Variants in AKT3 observed in about 807,000 individuals in gnomAD.
The protein encoded by AKT3 is AKT serine/threonine kinase 3, also known as RAC-gamma serine/threonine-protein kinase.
Under a neutral mutation model 65.3 loss-of-function variants are expected in AKT3, and 15 were observed. That is an observed-to-expected ratio of 0.23 (90% confidence interval 0.15 to 0.35). The LOEUF is 0.35. Ranked by LOEUF, AKT3 falls within the 10% of genes least tolerant of loss-of-function variation. AKT3 has a pLI of 1.00. For missense variants in AKT3, 243 were observed against 576.5 expected (o/e 0.42, Z 5.92); for synonymous variants, 206 against 183.8 (o/e 1.12, Z -0.98).
intron 3 of AKT3, among the ~76,000 whole-genome samples, chr1:243,667,277 G>A (rs1340788363): frequency 6.6e-6 from 1 of 152,124 alleles, no homozygotes; most frequent in African/African-American, 2.4e-5. Context: ...GATGCTGAGT[G>A]ACTATGTAAG....
At chr1:243,517,867 T>C (rs1670464583) in intron 12 of AKT3, among the ~76,000 whole-genome samples, 1 of 152,260 alleles carries the variant, frequency 6.6e-6, no homozygotes, top group African/African-American at 2.4e-5. Flanking sequence ...TCTGGAACTT[T>C]GTGTTGCACT....
At chr1:243,628,635 C>T (rs1039344066) in intron 6 of AKT3, among the ~76,000 whole-genome samples, 2 of 152,190 alleles carry the variant, frequency 1.3e-5, no homozygotes, top group African/African-American at 4.8e-5. Flanking sequence ...ACTTTGGAAC[C>T]ATCTGTAAAG....
At chr1:243,786,691 G>A (rs893850034) in intron 2 of AKT3, among the ~76,000 whole-genome samples, 2 of 152,040 alleles carry the variant, frequency 1.3e-5, no homozygotes, top group Non-Finnish European at 2.9e-5. Flanking sequence ...CGGGGTGGGG[G>A]GGTGCGCGGT....
At chr1:243,792,208 T>G (rs1691673572) in intron 2 of AKT3, among the ~76,000 whole-genome samples, 1 of 152,200 alleles carries the variant, frequency 6.6e-6, no homozygotes, top group South Asian at 2.1e-4. Context: ...AATTCACTGG[T>G]AATAACAAAG....
intron 2 of AKT3, among the ~76,000 whole-genome samples, chr1:243,700,691 A>G (rs1395305375): frequency 6.6e-6 from 1 of 151,988 alleles, no homozygotes; most frequent in Non-Finnish European, 1.5e-5. Flanking sequence ...TTTAGTAGAG[A>G]CAGGGTTTCA....
At chr1:243,575,862 A>G (rs1181113780) in intron 8 of AKT3, among the ~76,000 whole-genome samples, 2 of 152,150 alleles carry the variant, frequency 1.3e-5, no homozygotes, top group Non-Finnish European at 2.9e-5. Flanking sequence ...AAGCATTAAT[A>G]CTAAAGAGGA....
Position 243,812,543 on chromosome 1 carries a change from G to A in AKT3, c.46+30582C>T, listed in dbSNP as rs180935932. On this transcript the variant is annotated intron_variant, in intron 2 of 13. Transcript: ENST00000673466. Reference sequence around the variant, plus strand: ...AAACAACAGGTGCTGGAGAGGAAGTGGAGAAATAACACTTTTACACTGTTG... The same window carrying A: ...AAACAACAGGTGCTGGAGAGGAAGTAGAGAAATAACACTTTTACACTGTTG... Among the ~76,000 whole-genome samples, 4 of 152,304 alleles carry A rather than the reference G, an allele frequency of 2.6e-5. No individual in the cohort carries two copies. The East Asian group carries it at 5.8e-4, about 22-fold the overall frequency.
intron 12 of AKT3, among the ~76,000 whole-genome samples, chr1:243,526,106 G>A (rs895775570): frequency 2.0e-5 from 3 of 151,882 alleles, no homozygotes; most frequent in African/African-American, 7.3e-5. Context: ...AGCTAGTTAT[G>A]TTGTCTCTGT....
At chr1:243,669,557 T>C (rs1336406700) in intron 3 of AKT3, among the ~76,000 whole-genome samples, 1 of 152,184 alleles carries the variant, frequency 6.6e-6, no homozygotes, top group Non-Finnish European at 1.5e-5. Context: ...TTGAAAGTAC[T>C]TTATATCTAA....
At chr1:243,803,099 G>A (rs1692475644) in intron 2 of AKT3, among the ~76,000 whole-genome samples, 1 of 152,130 alleles carries the variant, frequency 6.6e-6, no homozygotes, top group African/African-American at 2.4e-5. Context: ...AGTGCGCTAT[G>A]ATCGCACTCC....
At chr1:243,746,552 A>G (rs1048225566) in intron 2 of AKT3, among the ~76,000 whole-genome samples, 1 of 152,220 alleles carries the variant, frequency 6.6e-6, no homozygotes, top group Non-Finnish European at 1.5e-5. Flanking sequence ...CTTTATCAAT[A>G]AAGAACACAG....
intron 4 of AKT3, among the ~76,000 whole-genome samples, chr1:243,649,660 G>C (rs1180570704): frequency 6.6e-6 from 1 of 152,022 alleles, no homozygotes; most frequent in East Asian, 1.9e-4. Flanking sequence ...GAGAACATGG[G>C]ATGTTTGGTT....
chr1:243,748,383 T>C (rs1402579104), intron 2 of AKT3, among the ~76,000 whole-genome samples: 1 of 151,480 alleles, frequency 6.6e-6, no homozygotes, highest in Admixed American at 6.6e-5. Context: ...GGATAGACAG[T>C]GTTCTTCCTT....
intron 4 of AKT3, among the ~76,000 whole-genome samples, chr1:243,664,484 G>A (rs1405672137): frequency 7.2e-5 from 11 of 151,852 alleles, no homozygotes; most frequent in East Asian, 3.9e-4. Context: ...GATTACAGGC[G>A]TGAGCCACCG....
chr1:243,728,744 A>G (rs1687365973), intron 2 of AKT3, among the ~76,000 whole-genome samples: 2 of 152,238 alleles, frequency 1.3e-5, no homozygotes, highest in Admixed American at 6.5e-5. Flanking sequence ...AGTACGTGTC[A>G]TTAAAAGCAC....
intron 2 of AKT3, among the ~76,000 whole-genome samples, chr1:243,819,696 G>C (rs1442650412): frequency 2.0e-5 from 3 of 152,060 alleles, no homozygotes; most frequent in African/African-American, 7.3e-5. Flanking sequence ...GACTGAGAGA[G>C]ACCCCCCCAA....
chr1:243,843,657 T>C (rs1695382373), intron 1 of AKT3: 1 of 435,882 alleles, frequency 2.3e-6, no homozygotes, highest in Non-Finnish European at 2.9e-6. Flanking sequence ...AAATTTTTTG[T>C]TTTTTTTTTT....
At chr1:243,527,912 CACACACACACACACACACACACACAGAG>C (rs1163650733) in intron 12 of AKT3, among the ~76,000 whole-genome samples, 3,183 of 103,774 alleles carry the variant, frequency 0.031, 98 homozygotes, top group African/African-American at 0.034. Flanking sequence ...CACACACACA[CACACACACACACACACACACACACAGAG>C]AGAGAGAGAG....
intron 7 of AKT3, among the ~76,000 whole-genome samples, chr1:243,614,552 A>C (rs1027395903): frequency 6.6e-6 from 1 of 152,178 alleles, no homozygotes; most frequent in Non-Finnish European, 1.5e-5. Context: ...TACTTTGTCT[A>C]GTGAAAAAAA....
Sources: allele counts gnomAD v4.1 joint callset (sites outside exome capture counted in the v4.1 genomes callset), GRCh38; gene constraint gnomAD v4.1.1; transcripts MANE v1.5; gene names NCBI Gene and HGNC (gene_info 2026-07-23, HGNC 2026-07-21).